Variants in SETBP1 observed in about 807,000 individuals in gnomAD.
SETBP1 encodes SET-binding protein.
SETBP1 carries 9 observed loss-of-function variants against 101.0 expected under a neutral mutation model. The ratio of observed to expected loss-of-function variants is 0.09; its 90% CI spans 0.05 to 0.16. The LOEUF (loss-of-function observed/expected upper bound fraction) is 0.16. SETBP1 is among the 10% of genes least tolerant of loss of function. The pLI is 1.00. For missense variants in SETBP1, 1,858 were observed against 2,033.8 expected, an observed-to-expected ratio of 0.91 and a Z score of 1.66; for synonymous variants, 818 against 788.5, an observed-to-expected ratio of 1.04 and a Z score of -0.63.
In SETBP1 at chr18:44,902,124, G is replaced by A. The variant is rs1372542552; in HGVS notation, c.540+32841G>A. ...ACACTAGCCACATTTCAAGTACTCA[G>A]TAGTTCGATGTGGCTAGTGGCTGGA... On this transcript the variant is annotated intron_variant, in intron 3 of 5. Coordinates refer to ENST00000649279, the MANE Select transcript of SETBP1 (RefSeq NM_015559.3). 2.0e-5 allele frequency among the ~76,000 whole-genome samples: 3 copies of A among 152,254 alleles called. No individual in the cohort carries two copies. In the East Asian group the frequency reaches 5.8e-4, roughly 29 times the overall value.
In SETBP1 at chr18:44,951,086, A is replaced by G. The variant is rs781270591; in HGVS notation, c.1746A>G (p.Pro582=). ...TNTDSLTVIT[P]VKKKRGRPKK... The stretch of plus-strand genomic sequence containing the variant: ...CAGACAGTCTTACTGTGATCACTCC[A>G]GTCAAAAAGAAGCGGGGACGACCAA... The change falls in exon 4 of 6, where the codon CCA becomes CCG. Residue 582 remains proline, a synonymous_variant. Coordinates refer to ENST00000649279, the MANE Select transcript of SETBP1 (RefSeq NM_015559.3). The surrounding 1 kb of genome is among the most constrained non-coding windows in gnomAD (Gnocchi z 7.8). 4 of 1,614,136 alleles carry G rather than the reference A, an allele frequency of 2.5e-6. No homozygotes were observed. The highest frequency in any genetic ancestry group is 3.3e-5 in the Admixed American group (2 of 60,014).
intron 5 of SETBP1, among the ~76,000 whole-genome samples, chr18:45,062,689 CA>C (rs2073908227): frequency 6.6e-6 from 1 of 152,100 alleles, no homozygotes. Flanking sequence ...AAGGTGAATA[CA>C]AAATTACCTA....
At chr18:44,795,784 G>GACATATTT (rs1568149655) in intron 2 of SETBP1, among the ~76,000 whole-genome samples, 1 of 152,042 alleles carries the variant, frequency 6.6e-6, no homozygotes, top group Non-Finnish European at 1.5e-5. Flanking sequence ...TTGTTAAATA[G>GACATATTT]AACTCAGTCA....
intron 2 of SETBP1, among the ~76,000 whole-genome samples, chr18:44,731,965 G>A (rs953967329): frequency 6.6e-6 from 1 of 152,134 alleles, no homozygotes. Flanking sequence ...GGCTGAACCT[G>A]TTTTTCTCTT....
chr18:44,879,459 T>C (rs945592220), intron 3 of SETBP1, among the ~76,000 whole-genome samples: 1 of 152,152 alleles, frequency 6.6e-6, no homozygotes, highest in African/African-American at 2.4e-5. Context: ...AAACACTCCA[T>C]AAATGTGCAC....
rs551579367 is a variant in SETBP1 at position 44,976,588 on chromosome 18, A to G, written c.4000+23248A>G. ...TGACCCAGGTACATGTCCTCAGGGC[A>G]AAGATACTGCTCAGGGCAAGGAGGG... On this transcript the variant is annotated intron_variant, in intron 4 of 5. Transcript: ENST00000649279. Among the ~76,000 whole-genome samples, 8 of 152,316 alleles carry G rather than the reference A, an allele frequency of 5.3e-5. No individual in the cohort carries two copies. The South Asian group carries it at 1.7e-3, about 32-fold the overall frequency.
At chr18:44,918,762 G>A (rs1396380139) in intron 3 of SETBP1, among the ~76,000 whole-genome samples, 1 of 152,192 alleles carries the variant, frequency 6.6e-6, no homozygotes, top group Non-Finnish European at 1.5e-5. Flanking sequence ...ATATAATATG[G>A]CAAGAGAATG....
At chr18:44,780,785 G>A (rs1440957113) in intron 2 of SETBP1, among the ~76,000 whole-genome samples, 1 of 152,172 alleles carries the variant, frequency 6.6e-6, no homozygotes, top group Non-Finnish European at 1.5e-5. Flanking sequence ...AAGGCAGAGG[G>A]ACCAGCATAC....
intron 2 of SETBP1, among the ~76,000 whole-genome samples, chr18:44,777,528 A>T (rs1296270250): frequency 2.0e-5 from 3 of 152,182 alleles, no homozygotes; most frequent in Admixed American, 2.0e-4. Flanking sequence ...TGGGGCTGCC[A>T]TCCCCTCATC....
At chr18:44,999,840 G>T (rs1219479850) in intron 4 of SETBP1, among the ~76,000 whole-genome samples, 1 of 152,174 alleles carries the variant, frequency 6.6e-6, no homozygotes, top group East Asian at 1.9e-4. Context: ...AAACTAATAA[G>T]ATAATAGTTA....
intron 3 of SETBP1, among the ~76,000 whole-genome samples, chr18:44,876,037 C>A (rs1273335223): frequency 1.3e-5 from 2 of 152,180 alleles, no homozygotes; most frequent in Admixed American, 6.5e-5. Context: ...AAAGCAATTT[C>A]TTTATCTGAG....
At chr18:45,021,732 C>G (rs527790292) in intron 4 of SETBP1, among the ~76,000 whole-genome samples, 16 of 152,278 alleles carry the variant, frequency 1.1e-4, no homozygotes, top group Admixed American at 4.6e-4. Context: ...GAAAACATAA[C>G]TCTCTCTAAG....
At chr18:44,751,531 T>G (rs1258313963) in intron 2 of SETBP1, among the ~76,000 whole-genome samples, 2 of 152,172 alleles carry the variant, frequency 1.3e-5, no homozygotes, top group Non-Finnish European at 2.9e-5. Context: ...TTTATTACTA[T>G]TTATAGTTAT....
chr18:44,826,134 T>G (rs2072233194), intron 2 of SETBP1, among the ~76,000 whole-genome samples: 3 of 152,104 alleles, frequency 2.0e-5, no homozygotes, highest in Admixed American at 2.0e-4. Flanking sequence ...GCCAATAGAG[T>G]TCAAAGGAAA....
rs200931857 is a variant in SETBP1, at chr18:44,701,044, TA to T, written c.-172-130del. 4,009 of 287,316 alleles carry T rather than the reference TA, an allele frequency of 0.014. 38 individuals carry two copies. Among genetic ancestry groups the T allele is most frequent in the Non-Finnish European group, 0.019 (2,862 of 153,922 alleles). 17.8% of individuals were successfully genotyped at this position (287,316 alleles called of 1,614,324 possible). A position where few individuals can be genotyped will look rare whatever the true frequency, so the allele number is the denominator to read the frequency against. The stretch of plus-strand genomic sequence containing the variant: ...AATTTGGGGATGTGCTTATTCTGGT[TA>T]GCTGTTTTTCCATCATTTCTTTTTT... On this transcript the variant is annotated intron_variant, in intron 1 of 5. Coordinates refer to ENST00000649279, the MANE Select transcript of SETBP1 (RefSeq NM_015559.3).
At chr18:44,974,860 G>A (rs772722754) in intron 4 of SETBP1, among the ~76,000 whole-genome samples, 17 of 152,214 alleles carry the variant, frequency 1.1e-4, no homozygotes, top group Non-Finnish European at 1.9e-4. Flanking sequence ...AAAAGGGAAA[G>A]CAACAAAACA....
chr18:44,944,324 A>G (rs1329213210), intron 3 of SETBP1, among the ~76,000 whole-genome samples: 2 of 152,206 alleles, frequency 1.3e-5, no homozygotes, highest in Non-Finnish European at 1.5e-5. Context: ...TTGGTTCTGC[A>G]TGTTTATCAC....
intron 4 of SETBP1, among the ~76,000 whole-genome samples, chr18:44,974,940 G>A (rs2071953020): frequency 1.3e-5 from 2 of 152,130 alleles, no homozygotes; most frequent in Non-Finnish European, 1.5e-5. Context: ...TTAAACACTA[G>A]GTTATTGTTC....
intron 2 of SETBP1, among the ~76,000 whole-genome samples, chr18:44,710,764 A>G (rs2069321082): frequency 6.6e-6 from 1 of 152,194 alleles, no homozygotes; most frequent in Non-Finnish European, 1.5e-5. Context: ...AGTTTCTAAT[A>G]TCTGCAATAA....
Sources: allele counts gnomAD v4.1 joint callset (sites outside exome capture counted in the v4.1 genomes callset), GRCh38; gene constraint gnomAD v4.1.1; non-coding constraint Gnocchi (gnomAD v3.1); transcripts MANE v1.5; gene names NCBI Gene and HGNC (gene_info 2026-07-23, HGNC 2026-07-21).